RBFOX1: variants seen among roughly 807,000 people sequenced by gnomAD.
RBFOX1 encodes the protein RNA binding fox-1 homolog 1.
RBFOX1 carries 8 observed loss-of-function variants against 57.7 expected under a neutral mutation model. The observed-to-expected ratio is 0.14, with a 90% CI of 0.08 to 0.25. The LOEUF is 0.25. RBFOX1 is among the 10% of genes least tolerant of loss of function. The pLI, the probability that RBFOX1 is intolerant of heterozygous loss-of-function variation, is 1.00. For synonymous variants in RBFOX1, 326 were observed against 222.4 expected, an observed-to-expected ratio of 1.47 and a Z score of -4.15; for missense variants, 611 against 548.5, an observed-to-expected ratio of 1.11 and a Z score of -1.14.
chr16:7,669,100 C>T (rs571395550), intron 13 of RBFOX1, among the ~76,000 whole-genome samples: 39 of 152,260 alleles, frequency 2.6e-4, no homozygotes, highest in African/African-American at 7.7e-4. Context: ...GATGGGGTTT[C>T]GCCATGTTGG....
At chr16:6,303,673 C>G (rs1481665190) in intron 1 of RBFOX1, among the ~76,000 whole-genome samples, 1 of 151,854 alleles carries the variant, frequency 6.6e-6, no homozygotes, top group Non-Finnish European at 1.5e-5. Flanking sequence ...GAAATAGATT[C>G]AAAGGAAAAG....
chr16:7,229,359 C>T (rs572003795), intron 4 of RBFOX1, among the ~76,000 whole-genome samples: 1 of 152,098 alleles, frequency 6.6e-6, no homozygotes, highest in African/African-American at 2.4e-5. Context: ...TTACATTAAC[C>T]TTAAAGATAA....
intron 2 of RBFOX1, among the ~76,000 whole-genome samples, chr16:6,536,833 T>C (rs888069423): frequency 3.9e-5 from 6 of 152,330 alleles, no homozygotes; most frequent in Admixed American, 1.3e-4. Context: ...TTCCTGTGGC[T>C]TATTTTACTC....
chr16:5,714,264 A>G lies in RBFOX1; in HGVS notation c.318+115303A>G, dbSNP rs1044481538. On this transcript the variant is annotated intron_variant, in intron 3 of 19. Coordinates refer to the RBFOX1 transcript ENST00000641259. ...ATAGTCATGTAACTTGCTTTGGCCA[A>G]TGGCTCAAGGCAGAAATGATAATGT... 2.6e-5 allele frequency among the ~76,000 whole-genome samples: 4 copies of G among 152,206 alleles called. 1 individual carries two copies. Among genetic ancestry groups the G allele is most frequent in the Non-Finnish European group, 5.9e-5 (4 of 68,046 alleles).
chr16:5,847,148 A>G (rs1357995578), intron 3 of RBFOX1, among the ~76,000 whole-genome samples: 2 of 152,176 alleles, frequency 1.3e-5, no homozygotes, highest in Non-Finnish European at 2.9e-5. Context: ...ATGAAATTGA[A>G]TTTGGTGACT....
At chr16:7,270,652 G>T (rs983977126) in intron 4 of RBFOX1, among the ~76,000 whole-genome samples, 4 of 152,144 alleles carry the variant, frequency 2.6e-5, no homozygotes, top group African/African-American at 7.2e-5. Context: ...GTTGCTATTA[G>T]ACAAACCTCT....
chr16:7,174,727 C>T (rs768598567), intron 4 of RBFOX1, among the ~76,000 whole-genome samples: 8 of 152,152 alleles, frequency 5.3e-5, no homozygotes, highest in Non-Finnish European at 1.0e-4. Context: ...TTGCAGTGAG[C>T]CAAGATTGCG....
intron 3 of RBFOX1, among the ~76,000 whole-genome samples, chr16:6,658,892 A>G (rs778201997): frequency 6.7e-6 from 1 of 150,292 alleles, no homozygotes. Context: ...TTTAATAGGA[A>G]GCAGGAGCAC....
At chr16:7,139,742 A>C (rs2073136262) in intron 4 of RBFOX1, among the ~76,000 whole-genome samples, 3 of 152,124 alleles carry the variant, frequency 2.0e-5, no homozygotes, top group Admixed American at 1.3e-4. Flanking sequence ...GAAGACTGAG[A>C]AATACATTGA....
intron 4 of RBFOX1, among the ~76,000 whole-genome samples, chr16:7,315,455 T>TTCCCC (rs2096414031): frequency 1.8e-5 from 2 of 114,054 alleles, no homozygotes; most frequent in Non-Finnish European, 3.6e-5. Flanking sequence ...TACTCTACCC[T>TTCCCC]ACCCCCCCCC....
In RBFOX1 at chr16:5,892,688, C is replaced by T. The variant is rs192451859; in HGVS notation, c.351+25353C>T. On this transcript the variant is annotated intron_variant, in intron 4 of 19. Transcript: ENST00000641259. ...ACCCTGCTAAAGACGGCTTCCCAGA[C>T]GGGATTCCTAAGTCAAGATATGCAG... Among the ~76,000 whole-genome samples the T allele has an allele frequency of 8.5e-5, 13 of 152,264 alleles. No individual in the cohort carries two copies. In the East Asian group the frequency reaches 1.5e-3, roughly 18 times the overall value.
At chr16:7,029,284 A>T (rs1272956853) in intron 3 of RBFOX1, among the ~76,000 whole-genome samples, 1 of 142,166 alleles carries the variant, frequency 7.0e-6, no homozygotes, top group South Asian at 2.2e-4. Context: ...GTATATATAT[A>T]CACATATATA....
At chr16:5,958,854 T>A (rs2059696920) in intron 4 of RBFOX1, among the ~76,000 whole-genome samples, 1 of 152,184 alleles carries the variant, frequency 6.6e-6, no homozygotes. Context: ...ACCTTGGTTC[T>A]CCTGGCTACC....
At chr16:6,517,779 A>G (rs1306933364) in intron 2 of RBFOX1, among the ~76,000 whole-genome samples, 1 of 152,138 alleles carries the variant, frequency 6.6e-6, no homozygotes, top group Non-Finnish European at 1.5e-5. Flanking sequence ...AGATTTTTCC[A>G]AGTTGTAAAA....
At position 6,421,366 on chromosome 16, in the gene RBFOX1, G is replaced by A. The variant is rs150699349; in HGVS notation, c.-64+104309G>A. On this transcript the variant is annotated intron_variant, in intron 2 of 15. Coordinates refer to ENST00000550418, the MANE Select transcript of RBFOX1 (RefSeq NM_018723.4). The stretch of plus-strand genomic sequence containing the variant: ...ACAAATCATGTTGAATGAGAAAAGC[G>A]TATTATGTGAACGTAAAAACGTTTG... Among the ~76,000 whole-genome samples the A allele has an allele frequency of 4.8e-3, 728 of 152,280 alleles. 1 individual carries two copies. The highest frequency in any genetic ancestry group is 0.01 in the Admixed American group (156 of 15,292).
chr16:6,896,321 G>C (rs1184353863), intron 3 of RBFOX1, among the ~76,000 whole-genome samples: 1 of 152,122 alleles, frequency 6.6e-6, no homozygotes, highest in Non-Finnish European at 1.5e-5. Flanking sequence ...CACTCTTTTA[G>C]TTATTTTTAA....
chr16:7,062,882 A>C (rs1375253981), intron 4 of RBFOX1, among the ~76,000 whole-genome samples: 2 of 131,792 alleles, frequency 1.5e-5, no homozygotes, highest in Non-Finnish European at 3.1e-5. Context: ...CATCTCATTC[A>C]AATGATCGCC....
chr16:7,552,833 C>T (rs1340305326), intron 5 of RBFOX1, among the ~76,000 whole-genome samples: 1 of 152,070 alleles, frequency 6.6e-6, no homozygotes, highest in Admixed American at 6.5e-5. Flanking sequence ...CAGTTTCCTG[C>T]CACAACCCCC....
intron 3 of RBFOX1, among the ~76,000 whole-genome samples, chr16:6,888,555 T>A (rs949107152): frequency 1.3e-5 from 2 of 152,130 alleles, no homozygotes; most frequent in African/African-American, 4.8e-5. Flanking sequence ...TTACTTGCTG[T>A]TTGTCCTCTG....
Sources: gnomAD v4.1 joint callset for allele counts (sites outside exome capture counted in the v4.1 genomes callset) on GRCh38, gnomAD v4.1.1 for gene constraint, MANE v1.5 for transcripts, NCBI Gene and HGNC (gene_info 2026-07-23, HGNC 2026-07-21) for gene names.